Variants in RBM19 observed in about 807,000 individuals in gnomAD.
RBM19 encodes probable RNA-binding protein 19.
In RBM19, 94 loss-of-function variants were observed where a neutral mutation model predicts 116.8. The ratio of observed to expected loss-of-function variants is 0.80; its 90% CI spans 0.68 to 0.95. The LOEUF (loss-of-function observed/expected upper bound fraction) is 0.95, where lower values mean the gene tolerates loss of function less well. RBM19 is among the 40% of genes least tolerant of loss of function. The probability of loss-of-function intolerance (pLI) is 0.00; values close to 1 mark genes in which losing one functional copy is unlikely to be tolerated. For synonymous variants in RBM19, 475 were observed against 494.1 expected, an observed-to-expected ratio of 0.96 and a Z score of 0.51; for missense variants, 1,161 against 1,220.7, an observed-to-expected ratio of 0.95 and a Z score of 0.73.
intron 14 of RBM19, among the ~76,000 whole-genome samples, chr12:113,940,703 C>T (rs1593622197): frequency 6.6e-6 from 1 of 152,198 alleles, no homozygotes; most frequent in Admixed American, 6.5e-5. Context: ...ACACTCTGCA[C>T]CCTGGGCTCC....
At chr12:113,926,008 C>G (rs1869036154) in intron 17 of RBM19, among the ~76,000 whole-genome samples, 1 of 152,154 alleles carries the variant, frequency 6.6e-6, no homozygotes, top group African/African-American at 2.4e-5. Flanking sequence ...TTTCCAATTG[C>G]TGAAGAAGGT....
At chr12:113,904,580 C>T (rs917477248) in intron 21 of RBM19, among the ~76,000 whole-genome samples, 2 of 152,160 alleles carry the variant, frequency 1.3e-5, no homozygotes, top group African/African-American at 2.4e-5. Flanking sequence ...GTGCCTTGCT[C>T]ACATAGGCAG....
intron 8 of RBM19, 148 bp downstream of exon 8, chr12:113,952,364 C>T (rs567002781): frequency 8.5e-5 from 57 of 673,328 alleles, no homozygotes; most frequent in Non-Finnish European, 1.3e-4. Context: ...CAGCCTTAAC[C>T]TGCCCAGGCT....
chr12:113,925,839 C>T (rs1470724245), intron 17 of RBM19, among the ~76,000 whole-genome samples: 1 of 152,166 alleles, frequency 6.6e-6, no homozygotes, highest in Non-Finnish European at 1.5e-5. Flanking sequence ...GTTCCCATAC[C>T]AGACCCGCAC....
At chr12:113,927,887 C>A (rs929140252) in intron 16 of RBM19, among the ~76,000 whole-genome samples, 1 of 152,072 alleles carries the variant, frequency 6.6e-6, no homozygotes, top group Non-Finnish European at 1.5e-5. Context: ...AGGTAGAGTA[C>A]CACCAAAAGC....
chr12:113,847,097 A>T (rs922506013), intron 22 of RBM19, among the ~76,000 whole-genome samples: 1 of 152,162 alleles, frequency 6.6e-6, no homozygotes, highest in African/African-American at 2.4e-5. Context: ...TGGGTAATCA[A>T]CTGCCACATC....
chr12:113,956,346 T>C (rs1329926793), intron 6 of RBM19, among the ~76,000 whole-genome samples: 1 of 152,042 alleles, frequency 6.6e-6, no homozygotes, highest in Admixed American at 6.5e-5. Context: ...TTTGGGAGGC[T>C]GAGGTGGGTT....
At chr12:113,956,815 G>A (rs530612860) in intron 6 of RBM19, among the ~76,000 whole-genome samples, 104 of 152,198 alleles carry the variant, frequency 6.8e-4, no homozygotes, top group Non-Finnish European at 1.3e-3. Context: ...TCCCAGCCAT[G>A]ACCCTGGCTG....
chr12:113,868,475 A>C (rs889113341), intron 21 of RBM19, among the ~76,000 whole-genome samples: 1 of 152,250 alleles, frequency 6.6e-6, no homozygotes, highest in Non-Finnish European at 1.5e-5. Context: ...CTATGTTTAA[A>C]GTCTTCTGGG....
chr12:113,930,095 C>G (rs140780806), intron 16 of RBM19, among the ~76,000 whole-genome samples: 1 of 152,226 alleles, frequency 6.6e-6, no homozygotes, highest in Non-Finnish European at 1.5e-5. Flanking sequence ...TAAATCTTGG[C>G]AACTTAATGG....
chr12:113,928,625 A>ATGTATGTGTGTGTGTGTGTGTG (rs71443066), intron 16 of RBM19, among the ~76,000 whole-genome samples: 1 of 120,334 alleles, frequency 8.3e-6, no homozygotes, highest in African/African-American at 3.0e-5. Flanking sequence ...TTAGCAAGGG[A>ATGTATGTGTGTGTGTGTGTGTG]TGTGTGTGTG....
intron 17 of RBM19, 143 bp downstream of exon 17, chr12:113,926,911 G>A: frequency 6.2e-6 from 6 of 971,548 alleles, no homozygotes; most frequent in Non-Finnish European, 9.1e-6. Context: ...AGGGGAAAGG[G>A]TCAAGTAGGT....
intron 8 of RBM19, among the ~76,000 whole-genome samples, chr12:113,951,538 A>ACACACACACACAC (rs1566038702): frequency 1.3e-4 from 19 of 150,128 alleles, no homozygotes; most frequent in African/African-American, 4.4e-4. Context: ...CACACACACA[A>ACACACACACACAC]ACACACACAC....
At chr12:113,952,959 T>C (rs1380004) in intron 7 of RBM19, among the ~76,000 whole-genome samples, 5,105 of 152,282 alleles carry the variant, frequency 0.034, 294 homozygotes, top group Admixed American at 0.15. Context: ...GTTTTGCAAG[T>C]AGCCACCTAG....
chr12:113,938,490 A>G (rs942487698), intron 15 of RBM19, among the ~76,000 whole-genome samples: 1 of 142,844 alleles, frequency 7.0e-6, no homozygotes, highest in South Asian at 2.2e-4. Flanking sequence ...TATCTCTAAG[A>G]ATTGCTGAGG....
At chr12:113,947,774 G>A (rs1356235193) in intron 10 of RBM19, among the ~76,000 whole-genome samples, 1 of 152,206 alleles carries the variant, frequency 6.6e-6, no homozygotes, top group African/African-American at 2.4e-5. Flanking sequence ...ACTAAACAGT[G>A]CCTGCTAGAG....
At chr12:113,965,500 A>G (rs538057915) in intron 1 of RBM19, among the ~76,000 whole-genome samples, 20 of 151,742 alleles carry the variant, frequency 1.3e-4, no homozygotes, top group African/African-American at 4.4e-4. Flanking sequence ...TGATGGAAGG[A>G]GCAGTAATCC....
intron 23 of RBM19, among the ~76,000 whole-genome samples, chr12:113,834,982 C>T (rs187897922): frequency 1.4e-3 from 216 of 152,266 alleles, no homozygotes; most frequent in Non-Finnish European, 2.6e-3. Flanking sequence ...TCTTTCCTTT[C>T]CCTCTGATTT....
chr12:113,840,862 G>C (rs1325455644), intron 23 of RBM19, among the ~76,000 whole-genome samples: 8 of 152,178 alleles, frequency 5.3e-5, no homozygotes, highest in Non-Finnish European at 8.8e-5. Flanking sequence ...CTCCGCTCTG[G>C]GAGCCCCAGC....
Sources: gnomAD v4.1 joint callset for allele counts (sites outside exome capture counted in the v4.1 genomes callset) on GRCh38, gnomAD v4.1.1 for gene constraint, MANE v1.5 for transcripts, NCBI Gene and HGNC (gene_info 2026-07-23, HGNC 2026-07-21) for gene names.